Variants in HNRNPM observed in about 807,000 individuals in gnomAD.
HNRNPM encodes the protein heterogeneous nuclear ribonucleoprotein M.
In HNRNPM, 11 loss-of-function variants were observed where a neutral mutation model predicts 73.1. The ratio of observed to expected loss-of-function variants is 0.15; its 90% CI spans 0.09 to 0.25. The LOEUF is 0.25. Among genes scored for constraint, HNRNPM ranks in the 10% least tolerant of loss-of-function variants. The probability of loss-of-function intolerance (pLI) is 1.00; values close to 1 mark genes in which losing one functional copy is unlikely to be tolerated. For synonymous variants in HNRNPM, 407 were observed against 355.2 expected (o/e 1.15, Z -1.64); for missense variants, 789 against 1,067.9 (o/e 0.74, Z 3.64).
At position 8,462,605 on chromosome 19, in the gene HNRNPM, C is replaced by T; in HGVS notation, c.336+24C>T. 6.3e-7 allele frequency: 1 copy of T among 1,590,552 alleles called. No homozygotes were observed. ...GGGTAAGTGTCTGAGAGAATTTCTT[C>T]TGTGGATTTACTACATGAAAAATGT... On this transcript the variant is annotated intron_variant, in intron 3 of 15. Coordinates refer to ENST00000325495, the MANE Select transcript of HNRNPM (RefSeq NM_005968.5). This position sits in a 1 kb window ranked among gnomAD's most constrained non-coding sequence, Gnocchi z 4.5.
intron 8 of HNRNPM, among the ~76,000 whole-genome samples, chr19:8,468,449 G>T (rs1969906902): frequency 6.6e-6 from 1 of 152,154 alleles, no homozygotes; most frequent in Non-Finnish European, 1.5e-5. Flanking sequence ...ACTCTAAATA[G>T]AGTAGGTAAG....
chr19:8,461,190 T>C (rs930397974), intron 2 of HNRNPM, among the ~76,000 whole-genome samples: 3 of 152,236 alleles, frequency 2.0e-5, no homozygotes, highest in African/African-American at 4.8e-5. Context: ...AGATGTAAAC[T>C]TTGGACACTT....
At position 8,485,622 on chromosome 19, in the gene HNRNPM, C is replaced by A; in HGVS notation, c.1194C>A (p.Val398=). The change falls in exon 14 of 16, where the codon GTC becomes GTA. Residue 398 remains valine, a synonymous_variant. Coordinates refer to ENST00000325495, the MANE Select transcript of HNRNPM (RefSeq NM_005968.5). ...KQGGGGGGGS[V]PGIERMGPGI... The stretch of plus-strand genomic sequence containing the variant: ...TTTCAGGTGGAGGTGGAGGAAGCGT[C>A]CCTGGGATCGAGAGGATGGGTCCTG... The A allele has an allele frequency of 6.2e-7, 1 of 1,601,758 alleles. No homozygotes were observed. Among genetic ancestry groups the A allele is most frequent in the Non-Finnish European group, 8.5e-7 (1 of 1,175,628 alleles).
intron 1 of HNRNPM, among the ~76,000 whole-genome samples, chr19:8,446,737 TGC>T (rs1968216244): frequency 6.6e-6 from 1 of 152,160 alleles, no homozygotes; most frequent in African/African-American, 2.4e-5. Flanking sequence ...GTTCCCTAAG[TGC>T]TAGCTATATT....
chr19:8,463,532 A>T, intron 4 of HNRNPM, 28 bp downstream of exon 4: 1 of 1,613,638 alleles, frequency 6.2e-7, no homozygotes, highest in Non-Finnish European at 8.5e-7. Flanking sequence ...ACTTATTGGT[A>T]TTTGAGCCTT....
chr19:8,488,763 C>T lies in HNRNPM; in HGVS notation c.2102C>T (p.Ser701Leu). ...GGGTGTGGCGTGGTTAAGTTCGAGT[C>T]GCCAGAGGTGGCCGAGAGAGCCTGC... ...SKGCGVVKFE[S>L]PEVAERACRM... Residue 701 changes from serine to leucine, a missense_variant, in exon 16 of 16, where the codon TCG (serine) becomes TTG (leucine). Transcript: ENST00000325495. 1 of 1,614,046 alleles carries T rather than the reference C, an allele frequency of 6.2e-7. No homozygotes were observed. Among genetic ancestry groups the T allele is most frequent in the Non-Finnish European group, 8.5e-7 (1 of 1,179,996 alleles).
rs755434980 is a variant in HNRNPM, at chr19:8,445,025, G to T, written c.27G>T (p.Ala9=). MAAGVEAA[A]EVAATEIKME... is the part of the protein sequence containing the mutation. ...TGGCGGCAGGGGTCGAAGCGGCGGC[G>T]GAGGTGGCGGCGACGGAGATCAAAA... The change falls in exon 1 of 16, where the codon GCG becomes GCT. Residue 9 remains alanine, a synonymous_variant. Coordinates refer to ENST00000325495, the MANE Select transcript of HNRNPM (RefSeq NM_005968.5). 2 of 1,424,092 alleles carry T rather than the reference G, an allele frequency of 1.4e-6. No individual in the cohort carries two copies. Among genetic ancestry groups the T allele is most frequent in the Non-Finnish European group, 1.8e-6 (2 of 1,091,934 alleles). The allele number at this position is 1,424,092 out of a possible 1,614,324, so 88.2% of individuals were successfully genotyped here. A position where few individuals can be genotyped will look rare whatever the true frequency, so the allele number is the denominator to read the frequency against.
chr19:8,446,104 T>C (rs1233832036), intron 1 of HNRNPM, among the ~76,000 whole-genome samples: 1 of 152,220 alleles, frequency 6.6e-6, no homozygotes, highest in Non-Finnish European at 1.5e-5. Flanking sequence ...AGGGGAAGCC[T>C]GGGTACACAT....
intron 1 of HNRNPM, among the ~76,000 whole-genome samples, chr19:8,447,793 G>A (rs1685912530): frequency 6.6e-6 from 1 of 152,154 alleles, no homozygotes; most frequent in South Asian, 2.1e-4. Context: ...TTGGGAGGCC[G>A]AGGCGGGCAG....
intron 1 of HNRNPM, among the ~76,000 whole-genome samples, chr19:8,451,755 C>G (rs1968648052): frequency 6.6e-6 from 1 of 152,078 alleles, no homozygotes; most frequent in Non-Finnish European, 1.5e-5. Context: ...GGTCTCAAGA[C>G]TCCTGGATTC....
chr19:8,447,038 A>G (rs1968238960), intron 1 of HNRNPM, among the ~76,000 whole-genome samples: 1 of 152,206 alleles, frequency 6.6e-6, no homozygotes. Flanking sequence ...GGGTAAATTA[A>G]TAGATTACAA....
At chr19:8,449,081 AT>A (rs1035328846) in intron 1 of HNRNPM, among the ~76,000 whole-genome samples, 1 of 152,222 alleles carries the variant, frequency 6.6e-6, no homozygotes. Flanking sequence ...TATACAATGC[AT>A]TTGAGTGTTT....
intron 5 of HNRNPM, among the ~76,000 whole-genome samples, chr19:8,465,107 A>G (rs1252663170): frequency 1.3e-5 from 2 of 152,142 alleles, no homozygotes; most frequent in East Asian, 3.8e-4. Flanking sequence ...CTGTGTTTTT[A>G]GTGCTACACT....
At chr19:8,456,289 T>TCACCCC (rs1418886452) in intron 2 of HNRNPM, among the ~76,000 whole-genome samples, 1 of 152,200 alleles carries the variant, frequency 6.6e-6, no homozygotes, top group African/African-American at 2.4e-5. Context: ...TCTGTGATCC[T>TCACCCC]CACCCCCGTG....
chr19:8,469,890 CA>C (rs1283781808), intron 9 of HNRNPM, among the ~76,000 whole-genome samples: 1 of 152,240 alleles, frequency 6.6e-6, no homozygotes, highest in East Asian at 1.9e-4. Flanking sequence ...AGCATTATGG[CA>C]GCATGACAGA....
intron 14 of HNRNPM, 83 bp downstream of exon 14, chr19:8,486,488 G>A: frequency 8.0e-7 from 1 of 1,256,462 alleles, no homozygotes; most frequent in Non-Finnish European, 1.1e-6. Context: ...GAAGTCAGAG[G>A]TGGCGCCCTT....
At chr19:8,447,495 A>T (rs1484063919) in intron 1 of HNRNPM, among the ~76,000 whole-genome samples, 1 of 152,126 alleles carries the variant, frequency 6.6e-6, no homozygotes, top group Non-Finnish European at 1.5e-5. Context: ...CCTCCATGAC[A>T]GGAAGACGTG....
intron 7 of HNRNPM, 80 bp from the exon 8 acceptor site, chr19:8,467,455 T>C: frequency 1.1e-6 from 1 of 946,690 alleles, no homozygotes; most frequent in East Asian, 2.4e-5. Context: ...TGGTAGCAGT[T>C]GGAGTATTTT....
intron 1 of HNRNPM, among the ~76,000 whole-genome samples, chr19:8,453,596 T>C (rs927960487): frequency 6.6e-6 from 1 of 152,184 alleles, no homozygotes; most frequent in Non-Finnish European, 1.5e-5. Flanking sequence ...TGGTTTTTTT[T>C]CCGGTTTTGT....
Sources: allele counts gnomAD v4.1 joint callset (sites outside exome capture counted in the v4.1 genomes callset), GRCh38; gene constraint gnomAD v4.1.1; non-coding constraint Gnocchi (gnomAD v3.1); transcripts MANE v1.5; gene names NCBI Gene and HGNC (gene_info 2026-07-23, HGNC 2026-07-21).